The following PCDHGB4 variants were observed in gnomAD, a reference collection of about 807,000 sequenced individuals.
PCDHGB4 encodes the protein protocadherin gamma subfamily B, 4, also known as protocadherin gamma-B4.
In PCDHGB4, 38 loss-of-function variants were observed where a neutral mutation model predicts 60.5. The observed-to-expected ratio is 0.63, with a 90% CI of 0.48 to 0.82. PCDHGB4 has a LOEUF of 0.82. PCDHGB4 is among the 40% of genes least tolerant of loss of function. The probability of loss-of-function intolerance (pLI) is 0.00; values close to 1 mark genes in which losing one functional copy is unlikely to be tolerated. For missense variants in PCDHGB4, 1,109 were observed against 1,209.6 expected (o/e 0.92, Z 1.23); for synonymous variants, 456 against 509.7 (o/e 0.89, Z 1.42).
In PCDHGB4 at chr5:141,465,057, A is replaced by T. The variant is rs1253395484; in HGVS notation, c.2398-29750A>T. 3.3e-5 allele frequency among the ~76,000 whole-genome samples: 5 copies of T among 151,646 alleles called. No homozygotes were observed. The East Asian group carries it at 9.6e-4, about 29-fold the overall frequency. ...ACAAATGACCCTATATATTTTTTTG[A>T]ATTGTCTGTTCATGTCTTATTTTCA... On this transcript the variant is annotated intron_variant, in intron 1 of 3. Coordinates refer to ENST00000519479, the MANE Select transcript of PCDHGB4 (RefSeq NM_003736.4).
At chr5:141,497,741 G>A (rs767561907) in intron 2 of PCDHGB4, among the ~76,000 whole-genome samples, 24 of 152,050 alleles carry the variant, frequency 1.6e-4, no homozygotes, top group Non-Finnish European at 2.6e-4. Context: ...GTTTCGCCAC[G>A]TTGGCCAGGC....
At chr5:141,421,322 T>A (rs774885270) in intron 1 of PCDHGB4, 1 of 1,613,864 alleles carries the variant, frequency 6.2e-7, no homozygotes, top group Non-Finnish European at 8.5e-7. Context: ...GCCAGGCAGA[T>A]CCGATATTCG....
chr5:141,388,789 T>A lies in PCDHGB4; in HGVS notation c.905T>A (p.Leu302Ter), dbSNP rs2091491529. 1 of 1,613,948 alleles carries A rather than the reference T, an allele frequency of 6.2e-7. No individual in the cohort carries two copies. The highest frequency in any genetic ancestry group is 8.5e-7 in the Non-Finnish European group (1 of 1,179,844). Reference sequence around the variant, plus strand: ...TCTAACACCGGGGAAATTACTGTTTTAAATACATTAGATTTTGAAGAAGTC... The same window carrying A: ...TCTAACACCGGGGAAATTACTGTTTAAAATACATTAGATTTTGAAGAAGTC... Reference protein sequence around the residue: ...LNSNTGEITVLNTLDFEEVKE... With the variant: ...LNSNTGEITV The change falls in exon 1 of 4, where the codon TTA becomes TAA. Residue 302 changes from leucine to a stop codon, truncating the protein, a stop_gained. Coordinates refer to ENST00000519479, the MANE Select transcript of PCDHGB4 (RefSeq NM_003736.4). LOFTEE classifies it high-confidence loss of function.
In PCDHGB4 at chr5:141,491,634, C is replaced by T; in HGVS notation, c.2398-3173C>T. On this transcript the variant is annotated intron_variant, in intron 1 of 3. Coordinates refer to ENST00000519479, the MANE Select transcript of PCDHGB4 (RefSeq NM_003736.4). This position sits in a 1 kb window ranked among gnomAD's most constrained non-coding sequence, Gnocchi z 6.9. ...TAAGACCCCTCAGCGTTCAGCAGCC[C>T]ACAGCTCTGGCGCTGGAGCCTGACG... 1 of 1,613,892 alleles carries T rather than the reference C, an allele frequency of 6.2e-7. No individual in the cohort carries two copies. Among genetic ancestry groups the T allele is most frequent in the South Asian group, 1.1e-5 (1 of 91,084 alleles).
At chr5:141,440,859 T>C (rs1272611201) in intron 1 of PCDHGB4, 1 of 152,076 alleles carries the variant, frequency 6.6e-6, no homozygotes, top group Non-Finnish European at 1.5e-5. Context: ...CCTGTGTTCA[T>C]CTAGGATGTG....
intron 1 of PCDHGB4, chr5:141,426,390 C>T (rs1211244710): frequency 7.9e-6 from 2 of 252,180 alleles, no homozygotes; most frequent in African/African-American, 4.4e-5. Flanking sequence ...AGATCCGCTA[C>T]TCTATTCCAG....
chr5:141,459,981 G>C (rs1023972964), intron 1 of PCDHGB4, among the ~76,000 whole-genome samples: 7 of 152,330 alleles, frequency 4.6e-5, no homozygotes, highest in Admixed American at 1.3e-4. Context: ...AGGAGGCTGA[G>C]ACAGGAGAAT....
chr5:141,476,597 G>C lies in PCDHGB4; in HGVS notation c.2398-18210G>C, dbSNP rs2099394582. On this transcript the variant is annotated intron_variant, in intron 1 of 3. Coordinates refer to ENST00000519479, the MANE Select transcript of PCDHGB4 (RefSeq NM_003736.4). The surrounding 1 kb of genome is among the most constrained non-coding windows in gnomAD (Gnocchi z 7.6). ...GCGCTTTCCGCTCGAGAGCGCGCAC[G>C]ATCCCGATGTGGGAAGCAACTCTTT... The C allele has an allele frequency of 1.2e-6, 2 of 1,614,112 alleles. No individual in the cohort carries two copies. The highest frequency in any genetic ancestry group is 1.7e-6 in the Non-Finnish European group (2 of 1,180,046).
chr5:141,422,976 G>A lies in PCDHGB4; in HGVS notation c.2397+32695G>A, dbSNP rs558006468. On this transcript the variant is annotated intron_variant, in intron 1 of 3. Transcript: ENST00000519479. The stretch of plus-strand genomic sequence containing the variant: ...GCGTGGAGCTGGCGCCCCGCTCTGC[G>A]GAACCTGGCTACCTGGTGACCAAGG... 27 of 1,614,212 alleles carry A rather than the reference G, an allele frequency of 1.7e-5. No homozygotes were observed. In the East Asian group the frequency reaches 4.7e-4, roughly 28 times the overall value.
chr5:141,422,605 G>A (rs2096658595), intron 1 of PCDHGB4: 1 of 1,613,898 alleles, frequency 6.2e-7, no homozygotes, highest in Non-Finnish European at 8.5e-7. Flanking sequence ...CTCTTACTCT[G>A]CCTACATTCC....
chr5:141,508,725 G>C (rs1447443196), intron 3 of PCDHGB4, among the ~76,000 whole-genome samples: 1 of 151,788 alleles, frequency 6.6e-6, no homozygotes, highest in Non-Finnish European at 1.5e-5. Flanking sequence ...TGTGCAGGGA[G>C]ACTACACCCC....
At chr5:141,427,952 T>C (rs1311471634) in intron 1 of PCDHGB4, 38 of 1,587,018 alleles carry the variant, frequency 2.4e-5, no homozygotes, top group Non-Finnish European at 2.8e-5. Flanking sequence ...TCAATGACAA[T>C]GTGCCGCGGG....
chr5:141,419,884 C>A lies in PCDHGB4; in HGVS notation c.2397+29603C>A. 1 of 1,614,088 alleles carries A rather than the reference C, an allele frequency of 6.2e-7. No individual in the cohort carries two copies. The highest frequency in any genetic ancestry group is 8.5e-7 in the Non-Finnish European group (1 of 1,179,896). On this transcript the variant is annotated intron_variant, in intron 1 of 3. Transcript: ENST00000519479. ...GCTTGCAAGAGGTACTGCCGGATTT[C>A]AGCGACCATCCCACACCCTCTGACT... is the stretch of plus-strand genomic sequence containing the variant.
intron 1 of PCDHGB4, chr5:141,475,984 G>T: frequency 1.9e-6 from 2 of 1,069,308 alleles, no homozygotes; most frequent in South Asian, 3.1e-5. Context: ...AACAGCCGGC[G>T]AGCAAATCAA....
At chr5:141,402,881 G>T in intron 1 of PCDHGB4, 1 of 1,477,920 alleles carries the variant, frequency 6.8e-7, no homozygotes. Context: ...ATACTTTGCA[G>T]GGTGGAAGAA....
intron 1 of PCDHGB4, chr5:141,393,074 G>A (rs775449711): frequency 3.7e-6 from 6 of 1,613,710 alleles, no homozygotes; most frequent in Non-Finnish European, 5.1e-6. Context: ...TGATCACCGC[G>A]GGCAGGATAG....
chr5:141,426,364 G>C (rs918838005), intron 1 of PCDHGB4: 1 of 202,328 alleles, frequency 4.9e-6, no homozygotes, highest in Non-Finnish European at 1.0e-5. Flanking sequence ...TTTGTTCTGC[G>C]GGGCACCCTC....
chr5:141,423,482 A>G, intron 1 of PCDHGB4: 2 of 1,613,968 alleles, frequency 1.2e-6, no homozygotes, highest in African/African-American at 1.3e-5. Flanking sequence ...GCTTTCCTGC[A>G]AACCTATTCC....
At chr5:141,500,667 TC>T (rs1032555959) in intron 2 of PCDHGB4, among the ~76,000 whole-genome samples, 26 of 152,194 alleles carry the variant, frequency 1.7e-4, no homozygotes, top group African/African-American at 6.0e-4. Flanking sequence ...GGCCATACTG[TC>T]CAACAGAATT....
Sources: allele counts gnomAD v4.1 joint callset (sites outside exome capture counted in the v4.1 genomes callset), GRCh38; gene constraint gnomAD v4.1.1; non-coding constraint Gnocchi (gnomAD v3.1); transcripts MANE v1.5; gene names NCBI Gene and HGNC (gene_info 2026-07-23, HGNC 2026-07-21).